Variants in KIAA0513 observed in about 807,000 individuals in gnomAD.
KIAA0513 encodes the protein uncharacterized protein KIAA0513.
KIAA0513 carries 39 observed loss-of-function variants against 56.5 expected under a neutral mutation model. The ratio of observed to expected loss-of-function variants is 0.69; its 90% CI spans 0.53 to 0.90. The LOEUF (loss-of-function observed/expected upper bound fraction) is 0.90, where lower values mean the gene tolerates loss of function less well. KIAA0513 is among the 40% of genes least tolerant of loss of function. KIAA0513 has a pLI of 0.00. For missense variants in KIAA0513, 591 were observed against 535.2 expected (o/e 1.10, Z -1.03); for synonymous variants, 268 against 215.6 (o/e 1.24, Z -2.13).
At chr16:85,054,151 C>T (rs1041215950) in intron 1 of KIAA0513, among the ~76,000 whole-genome samples, 1 of 152,052 alleles carries the variant, frequency 6.6e-6, no homozygotes, top group African/African-American at 2.4e-5. Flanking sequence ...CAGTGAGACC[C>T]TGTCTCAAAA....
chr16:85,053,405 T>C (rs1465619671), intron 1 of KIAA0513, among the ~76,000 whole-genome samples: 9 of 152,226 alleles, frequency 5.9e-5, no homozygotes, highest in African/African-American at 2.2e-4. Flanking sequence ...GTAAGTTAAC[T>C]GTATCTCTTG....
rs1469056058 is a variant in KIAA0513 at position 85,088,937 on chromosome 16, G to A, written c.*612G>A. 2 of 152,858 alleles carry A rather than the reference G, an allele frequency of 1.3e-5. No homozygotes were observed. Among genetic ancestry groups the A allele is most frequent in the African/African-American group, 4.8e-5 (2 of 41,582 alleles). The allele number at this position is 152,858 out of a possible 1,614,324, so 9.5% of individuals were successfully genotyped here. ...TTAGGGAGAGAGTGGGTGCGGTGTA[G>A]AGGATGCTCTTGGCCGGCTGGAGCA... On this transcript the variant is annotated 3_prime_UTR_variant, in exon 13 of 13. Coordinates refer to ENST00000683363, the MANE Select transcript of KIAA0513 (RefSeq NM_001388359.1).
chr16:85,042,858 A>G (rs1458245496), intron 1 of KIAA0513, among the ~76,000 whole-genome samples: 2 of 152,226 alleles, frequency 1.3e-5, no homozygotes, highest in African/African-American at 2.4e-5. Context: ...AGAGGCAGGC[A>G]GGCTTCTGAC....
intron 1 of KIAA0513, among the ~76,000 whole-genome samples, chr16:85,056,500 G>A (rs1320826149): frequency 1.3e-5 from 2 of 152,098 alleles, no homozygotes; most frequent in African/African-American, 2.4e-5. Flanking sequence ...CTCCATGTGG[G>A]TCCCTCTCCA....
At chr16:85,060,319 T>C (rs570442997) in intron 1 of KIAA0513, among the ~76,000 whole-genome samples, 25 of 152,168 alleles carry the variant, frequency 1.6e-4, no homozygotes, top group Admixed American at 4.6e-4. Context: ...CATTTTTCCT[T>C]GTTTGGGCTG....
At position 85,081,297 on chromosome 16, in the gene KIAA0513, T is replaced by TG; in HGVS notation, c.903-14dup. 1 of 1,613,040 alleles carries TG rather than the reference T, an allele frequency of 6.2e-7. No homozygotes were observed. The highest frequency in any genetic ancestry group is 1.1e-5 in the South Asian group (1 of 90,882). On this transcript the variant is annotated splice_polypyrimidine_tract_variant and intron_variant, in intron 8 of 12. Coordinates refer to ENST00000683363, the MANE Select transcript of KIAA0513 (RefSeq NM_001388359.1). The surrounding 1 kb of genome is among the most constrained non-coding windows in gnomAD (Gnocchi z 4.4). ...CGCCTCCCCTTGGAGAGAGTGTGACTGGGGCTCTGTCTTGCAGGCACACTC... is the reference window on the plus strand; with the variant it reads ...CGCCTCCCCTTGGAGAGAGTGTGACTGGGGGCTCTGTCTTGCAGGCACACTC...
At chr16:85,053,209 C>T (rs190580610) in intron 1 of KIAA0513, among the ~76,000 whole-genome samples, 2 of 152,230 alleles carry the variant, frequency 1.3e-5, no homozygotes, top group East Asian at 3.9e-4. Context: ...TTTTAGATAA[C>T]CTCGCTAGTC....
At chr16:85,043,278 G>A (rs1001290822) in intron 1 of KIAA0513, among the ~76,000 whole-genome samples, 1 of 151,986 alleles carries the variant, frequency 6.6e-6, no homozygotes, top group African/African-American at 2.4e-5. Context: ...TCTTACCCAG[G>A]TACACACCAC....
chr16:85,077,216 C>G (rs1290059533), intron 5 of KIAA0513, among the ~76,000 whole-genome samples: 2 of 152,160 alleles, frequency 1.3e-5, no homozygotes, highest in Non-Finnish European at 1.5e-5. Flanking sequence ...CAGTGCACAG[C>G]AGGTGCTGGG....
intron 1 of KIAA0513, among the ~76,000 whole-genome samples, chr16:85,053,317 C>G (rs2073281170): frequency 6.6e-6 from 1 of 152,234 alleles, no homozygotes; most frequent in African/African-American, 2.4e-5. Context: ...AATGAATTTC[C>G]CAGCCAGAGG....
At position 85,075,823 on chromosome 16, in the gene KIAA0513, G is replaced by A. The variant is rs755813619; in HGVS notation, c.504-21G>A. ...AGCAGGTGGAGCGATCTTTAGCCAT[G>A]AGCCTTGCCTCTTGTTTCAGGTGTC... On this transcript the variant is annotated intron_variant, in intron 4 of 12. Transcript: ENST00000683363. The A allele has an allele frequency of 4.3e-6, 7 of 1,613,450 alleles. No homozygotes were observed. In the Admixed American group the frequency reaches 8.3e-5, roughly 19 times the overall value.
At chr16:85,045,270 A>G (rs1486020874) in intron 1 of KIAA0513, among the ~76,000 whole-genome samples, 2 of 152,202 alleles carry the variant, frequency 1.3e-5, no homozygotes, top group Non-Finnish European at 2.9e-5. Flanking sequence ...GCCTGGTTTC[A>G]GCTGATCAGG....
intron 1 of KIAA0513, among the ~76,000 whole-genome samples, chr16:85,054,375 T>G (rs1437873038): frequency 6.6e-6 from 1 of 152,026 alleles, no homozygotes; most frequent in Non-Finnish European, 1.5e-5. Context: ...TCTGAAGTTA[T>G]CTCAGTGCCA....
rs184713701 is a variant in KIAA0513 at position 85,081,022 on chromosome 16, A to C, written c.903-293A>C. On this transcript the variant is annotated intron_variant, in intron 8 of 12. Transcript: ENST00000683363. The surrounding 1 kb of genome is among the most constrained non-coding windows in gnomAD (Gnocchi z 4.4). ...CCGTGTCCTACAGATGGTGGCTTCA[A>C]CTTTGCCCGCCAGTGCCCTCCTGCC... is the stretch of plus-strand genomic sequence containing the variant. Among the ~76,000 whole-genome samples, 64 of 152,276 alleles carry C rather than the reference A, an allele frequency of 4.2e-4. No homozygotes were observed. The highest frequency in any genetic ancestry group is 8.3e-4 in the South Asian group (4 of 4,820).
At chr16:85,070,155 AG>A (rs1307446498) in intron 2 of KIAA0513, among the ~76,000 whole-genome samples, 1 of 149,840 alleles carries the variant, frequency 6.7e-6, no homozygotes, top group Non-Finnish European at 1.5e-5. Context: ...TGGGTGACAA[AG>A]GGAGACCCTG....
chr16:85,078,874 CAGTG>C, intron 7 of KIAA0513, 47 bp from the exon 8 acceptor site: 2 of 1,600,986 alleles, frequency 1.2e-6, no homozygotes, highest in Non-Finnish European at 1.7e-6. Context: ...GGTTTGCCAA[CAGTG>C]GGTGCGCAAC....
In KIAA0513 at chr16:85,089,978, A is replaced by G. The variant is rs1313585127; in HGVS notation, c.*1653A>G. On this transcript the variant is annotated 3_prime_UTR_variant, in exon 13 of 13. Coordinates refer to ENST00000683363, the MANE Select transcript of KIAA0513 (RefSeq NM_001388359.1). The surrounding 1 kb of genome is among the most constrained non-coding windows in gnomAD (Gnocchi z 4.2). The stretch of plus-strand genomic sequence containing the variant: ...CTCAGGGCCCCTGACTGCATGGTGC[A>G]TGAGTGATCTCAGCCTAGCGATGCC... The G allele has an allele frequency of 2.0e-5, 3 of 152,212 alleles. No homozygotes were observed. Among genetic ancestry groups the G allele is most frequent in the African/African-American group, 7.2e-5 (3 of 41,454 alleles). The allele number at this position is 152,212 out of a possible 1,614,324, so 9.4% of individuals were successfully genotyped here. A position where few individuals can be genotyped will look rare whatever the true frequency, so the allele number is the denominator to read the frequency against.
chr16:85,051,790 T>C (rs1459423872), intron 1 of KIAA0513, among the ~76,000 whole-genome samples: 1 of 151,916 alleles, frequency 6.6e-6, no homozygotes, highest in African/African-American at 2.4e-5. Context: ...GCTCTCCAGG[T>C]TCTTGGTAGC....
chr16:85,086,306 C>A (rs1427730493), intron 10 of KIAA0513, among the ~76,000 whole-genome samples: 2 of 152,252 alleles, frequency 1.3e-5, no homozygotes. Context: ...ACTCTCCAAC[C>A]GTAGTAAGGC....
Sources: allele counts gnomAD v4.1 joint callset (sites outside exome capture counted in the v4.1 genomes callset), GRCh38; gene constraint gnomAD v4.1.1; non-coding constraint Gnocchi (gnomAD v3.1); transcripts MANE v1.5; gene names NCBI Gene and HGNC (gene_info 2026-07-23, HGNC 2026-07-21).